Variants in ITGA4 observed in about 807,000 individuals in gnomAD.
ITGA4 encodes integrin alpha-4.
Under a neutral mutation model 133.6 loss-of-function variants are expected in ITGA4, and 63 were observed. That is an observed-to-expected ratio of 0.47 (90% CI 0.38 to 0.58). ITGA4 has a LOEUF of 0.58. Among genes scored for constraint, ITGA4 ranks in the 20% least tolerant of loss-of-function variants. The pLI is 0.00. For missense variants in ITGA4, 1,076 were observed against 1,252.7 expected, an observed-to-expected ratio of 0.86 and a Z score of 2.13; for synonymous variants, 483 against 438.0, an observed-to-expected ratio of 1.10 and a Z score of -1.28.
chr2:181,504,997 G>A (rs771003365), intron 15 of ITGA4, among the ~76,000 whole-genome samples: 9 of 151,566 alleles, frequency 5.9e-5, no homozygotes, highest in South Asian at 4.2e-4. Flanking sequence ...TTTCCTTCCC[G>A]AGCCCTGCAT....
rs1358630756 is a variant in ITGA4, at chr2:181,538,469, C to G, written c.*2942C>G. On this transcript the variant is annotated 3_prime_UTR_variant, in exon 28 of 28. Transcript: ENST00000397033. ...ACTTCCTTGATTGTCCAATGCTCTC[C>G]ATTACCTCTGTAAAACAGTCAGTTA... Among the ~76,000 whole-genome samples the G allele has an allele frequency of 6.6e-6, 1 of 152,086 alleles. No homozygotes were observed. The highest frequency in any genetic ancestry group is 1.5e-5 in the Non-Finnish European group (1 of 68,014).
chr2:181,484,286 G>A (rs758115301), intron 9 of ITGA4, among the ~76,000 whole-genome samples: 27 of 152,124 alleles, frequency 1.8e-4, no homozygotes, highest in Non-Finnish European at 4.0e-4. Context: ...TGAGTGACTG[G>A]CTTCTGCCTA....
chr2:181,482,819 TG>T (rs1685836208), intron 9 of ITGA4, among the ~76,000 whole-genome samples, 168 bp downstream of exon 9: 2 of 152,146 alleles, frequency 1.3e-5, no homozygotes, highest in South Asian at 4.1e-4. Flanking sequence ...TGATGATGAA[TG>T]GGAAAGTTTC....
Position 181,536,620 on chromosome 2 carries a change from A to AAGATACTGATTC in ITGA4, c.*1095_*1106dup, listed in dbSNP as rs1687109846. ...AATTTAAATTCATAAATTTAGCTGA[A>AAGATACTGATTC]AGATACTGATTCAATTTGTATACAG... On this transcript the variant is annotated 3_prime_UTR_variant, in exon 28 of 28. Coordinates refer to ENST00000397033, the MANE Select transcript of ITGA4 (RefSeq NM_000885.6). The AAGATACTGATTC allele has an allele frequency of 6.2e-6, 1 of 161,078 alleles. No homozygotes were observed. Among genetic ancestry groups the AAGATACTGATTC allele is most frequent in the South Asian group, 1.7e-4 (1 of 5,814 alleles). 10.0% of individuals were successfully genotyped at this position (161,078 alleles called of 1,614,324 possible).
rs149342326 is a variant in ITGA4, at chr2:181,471,331, C to A, written c.320-3629C>A. Among the ~76,000 whole-genome samples, 594 of 152,272 alleles carry A rather than the reference C, an allele frequency of 3.9e-3. 5 individuals carry two copies. The highest frequency in any genetic ancestry group is 2.5e-3 in the Non-Finnish European group (172 of 68,022). On this transcript the variant is annotated intron_variant, in intron 2 of 27. Transcript: ENST00000397033. ...CGGGGGTGGGATTATGACAAAGATACAGTCCTGGGCAAGATGAATGAGGTC... is the reference window on the plus strand; with the variant it reads ...CGGGGGTGGGATTATGACAAAGATAAAGTCCTGGGCAAGATGAATGAGGTC...
chr2:181,502,379 A>G (rs1291712616), intron 15 of ITGA4, among the ~76,000 whole-genome samples: 2 of 152,136 alleles, frequency 1.3e-5, no homozygotes, highest in African/African-American at 4.8e-5. Flanking sequence ...TTAAGACAGG[A>G]GAAGTATTAG....
At chr2:181,457,931 C>A in intron 1 of ITGA4, 80 bp downstream of exon 1, 1 of 1,351,676 alleles carries the variant, frequency 7.4e-7, no homozygotes. Context: ...CTGCCCGATT[C>A]AAACTTTCCT....
chr2:181,480,498 A>G (rs1301786876), intron 6 of ITGA4, among the ~76,000 whole-genome samples: 1 of 151,972 alleles, frequency 6.6e-6, no homozygotes. Context: ...TCTTAATAGA[A>G]CTCCTAGTTT....
chr2:181,484,599 C>T (rs1314088185), intron 9 of ITGA4, among the ~76,000 whole-genome samples: 2 of 152,158 alleles, frequency 1.3e-5, no homozygotes, highest in African/African-American at 4.8e-5. Context: ...TCCCAGTCAT[C>T]TTAGTTCATT....
chr2:181,494,572 C>G, intron 11 of ITGA4, 150 bp from the exon 12 acceptor site: 1 of 604,244 alleles, frequency 1.7e-6, no homozygotes, highest in Non-Finnish European at 3.0e-6. Context: ...ATTTTGTCAC[C>G]CTTAGAAGTA....
At position 181,523,287 on chromosome 2, in the gene ITGA4, A is replaced by G. The variant is rs905585702; in HGVS notation, c.2074-150A>G. The stretch of plus-strand genomic sequence containing the variant: ...GCACACATATTTATATCATATGTCT[A>G]TTTATCTCAAACATATAAATAGAAA... On this transcript the variant is annotated intron_variant, in intron 18 of 27. Coordinates refer to ENST00000397033, the MANE Select transcript of ITGA4 (RefSeq NM_000885.6). The surrounding 1 kb of genome is among the most constrained non-coding windows in gnomAD (Gnocchi z 4.2). 8.9e-6 allele frequency: 5 copies of G among 561,434 alleles called. No homozygotes were observed. The East Asian group carries it at 9.1e-5, about 10-fold the overall frequency. 34.8% of individuals were successfully genotyped at this position (561,434 alleles called of 1,614,324 possible).
chr2:181,537,039 T>TA lies in ITGA4; in HGVS notation c.*1512_*1513insA. 2 of 444,922 alleles carry TA rather than the reference T, an allele frequency of 4.5e-6. No individual in the cohort carries two copies. The highest frequency in any genetic ancestry group is 9.0e-6 in the Non-Finnish European group (2 of 221,892). 27.6% of individuals were successfully genotyped at this position (444,922 alleles called of 1,614,324 possible). On this transcript the variant is annotated 3_prime_UTR_variant, in exon 28 of 28. Transcript: ENST00000397033. Reference sequence around the variant, plus strand: ...GAATGTTCTGAGATTTGCGAAGGCATTTGAGTAGTGAAATGTAAGCACAAA... The same window carrying TA: ...GAATGTTCTGAGATTTGCGAAGGCATATTGAGTAGTGAAATGTAAGCACAAA...
In ITGA4 at chr2:181,522,249, G is replaced by A; in HGVS notation, c.1981G>A (p.Val661Met). The stretch of plus-strand genomic sequence containing the variant: ...GAGTATGAAGACATTGATGTTGAAT[G>A]TGTCCTTGTTTAATGCTGGAGATGA... The part of the protein sequence containing the change: ...VGSMKTLMLN[V>M]SLFNAGDDAY... Residue 661 changes from valine (V) to methionine (M), a missense_variant, in exon 18 of 28, where the codon GTG becomes ATG. Coordinates refer to ENST00000397033, the MANE Select transcript of ITGA4 (RefSeq NM_000885.6). The A allele has an allele frequency of 1.9e-6, 3 of 1,605,714 alleles. No homozygotes were observed. Among genetic ancestry groups the A allele is most frequent in the Non-Finnish European group, 2.6e-6 (3 of 1,173,034 alleles).
chr2:181,482,208 A>G, intron 7 of ITGA4, 152 bp from the exon 8 acceptor site: 2 of 744,204 alleles, frequency 2.7e-6, no homozygotes, highest in South Asian at 4.1e-5. Flanking sequence ...GTGGATCCCA[A>G]ACCCTTTTGT....
rs1396648340 is a variant in ITGA4, at chr2:181,482,508, G to A, written c.904-6G>A. On this transcript the variant is annotated splice_polypyrimidine_tract_variant and splice_region_variant and intron_variant, in intron 8 of 27. Transcript: ENST00000397033. ...CAATGAGTGGATCTGGTTTGTTTTG[G>A]GACAGCTTGGATCGTACTTTGGAGC... 3.1e-6 allele frequency: 5 copies of A among 1,613,534 alleles called. No homozygotes were observed. The highest frequency in any genetic ancestry group is 1.3e-5 in the African/African-American group (1 of 74,914).
intron 14 of ITGA4, among the ~76,000 whole-genome samples, chr2:181,496,277 A>G (rs1364156957): frequency 6.6e-6 from 1 of 152,154 alleles, no homozygotes. Flanking sequence ...TCAAGTGTCA[A>G]TAATTGAGGA....
chr2:181,475,985 T>C (rs1685666083), intron 4 of ITGA4: 1 of 1,219,978 alleles, frequency 8.2e-7, no homozygotes, highest in Non-Finnish European at 1.1e-6. Context: ...CTAACCACCC[T>C]CACTCAAAAA....
At chr2:181,535,120 T>C (rs980637101) in intron 27 of ITGA4, among the ~76,000 whole-genome samples, 185 bp downstream of exon 27, 1 of 151,958 alleles carries the variant, frequency 6.6e-6, no homozygotes, top group Non-Finnish European at 1.5e-5. Context: ...GCATTCTTAA[T>C]TTGTTTTGAA....
At position 181,509,690 on chromosome 2, in the gene ITGA4, G is replaced by C; in HGVS notation, c.1728G>C (p.Gln576His). 1 of 1,608,980 alleles carries C rather than the reference G, an allele frequency of 6.2e-7. No homozygotes were observed. Among genetic ancestry groups the C allele is most frequent in the South Asian group, 1.1e-5 (1 of 90,024 alleles). Residue 576 changes from glutamine to histidine, a missense_variant, in exon 16 of 28, where the codon CAG becomes CAC. Physicochemically the swap from Gln to His is conservative, Grantham distance 24. This residue lies in a region of ITGA4 where 365 missense variants were observed against 421.4 expected (regional missense o/e 0.87). Transcript: ENST00000397033. ...TGCGGGACATCCTCACCCCAATTCAGATTGAAGCTGCTTACCACCTTGGTC... is the reference window on the plus strand; with the variant it reads ...TGCGGGACATCCTCACCCCAATTCACATTGAAGCTGCTTACCACCTTGGTC... ...KDVRDILTPI[Q>H]IEAAYHLGPH...
Sources: allele counts gnomAD v4.1 joint callset (sites outside exome capture counted in the v4.1 genomes callset), GRCh38; gene constraint gnomAD v4.1.1; regional missense constraint gnomAD v4.1.1; non-coding constraint Gnocchi (gnomAD v3.1); transcripts MANE v1.5; gene names NCBI Gene and HGNC (gene_info 2026-07-23, HGNC 2026-07-21).